The following EBF1 variants were observed in gnomAD, a reference collection of about 807,000 sequenced individuals.
EBF1 encodes the protein transcription factor COE1.
Under a neutral mutation model 68.4 loss-of-function variants are expected in EBF1, and 10 were observed. That is an observed-to-expected ratio of 0.15 (90% CI 0.09 to 0.25). The LOEUF is 0.25. EBF1 is among the 10% of genes least tolerant of loss of function. The pLI is 1.00. For synonymous variants in EBF1, 298 were observed against 299.8 expected (o/e 0.99, Z 0.06); for missense variants, 509 against 794.4 (o/e 0.64, Z 4.32).
chr5:158,869,631 G>A (rs1796540638), intron 6 of EBF1, among the ~76,000 whole-genome samples: 1 of 146,574 alleles, frequency 6.8e-6, no homozygotes, highest in Non-Finnish European at 1.5e-5. Flanking sequence ...TTTGTTGTTT[G>A]TTTTGTTTTG....
rs189980864 is a variant in EBF1 at position 158,732,038 on chromosome 5, C to T, written c.1037-881G>A. Among the ~76,000 whole-genome samples, 143 of 152,256 alleles carry T rather than the reference C, an allele frequency of 9.4e-4. 1 individual carries two copies. The highest frequency in any genetic ancestry group is 3.3e-3 in the African/African-American group (135 of 41,538). On this transcript the variant is annotated intron_variant, in intron 10 of 15. Coordinates refer to ENST00000313708, the MANE Select transcript of EBF1 (RefSeq NM_024007.5). ...CTTCAGGCTGTCTCACGTGAAACAG[C>T]GGAGATGGAAAACACGGCAGCTCCA... is the stretch of plus-strand genomic sequence containing the variant.
intron 11 of EBF1, among the ~76,000 whole-genome samples, chr5:158,717,452 T>C (rs999140031): frequency 6.6e-6 from 1 of 152,194 alleles, no homozygotes; most frequent in African/African-American, 2.4e-5. Flanking sequence ...TAATATGCAA[T>C]TTTAATATTT....
chr5:159,099,571 A>C lies in EBF1; in HGVS notation c.-93T>G. The C allele has an allele frequency of 7.4e-7, 1 of 1,353,954 alleles. No homozygotes were observed. The highest frequency in any genetic ancestry group is 9.6e-7 in the Non-Finnish European group (1 of 1,040,154). The allele number at this position is 1,353,954 out of a possible 1,614,324, so 83.9% of individuals were successfully genotyped here. A position where few individuals can be genotyped will look rare whatever the true frequency, so the allele number is the denominator to read the frequency against. On this transcript the variant is annotated 5_prime_UTR_variant, in exon 1 of 16. Transcript: ENST00000313708. ...AGAAAAGAAAGAAAAGAAAAGAAACAAAAACGCCAACCAGAGATTTTTTTT... is the reference window on the plus strand; with the variant it reads ...AGAAAAGAAAGAAAAGAAAAGAAACCAAAACGCCAACCAGAGATTTTTTTT...
At chr5:158,843,684 C>T (rs1464873080) in intron 6 of EBF1, among the ~76,000 whole-genome samples, 2 of 152,162 alleles carry the variant, frequency 1.3e-5, no homozygotes, top group Non-Finnish European at 2.9e-5. Flanking sequence ...GAAAGCCAGC[C>T]CTACCCCAGA....
At chr5:159,063,637 G>A (rs1002342430) in intron 6 of EBF1, among the ~76,000 whole-genome samples, 3 of 152,128 alleles carry the variant, frequency 2.0e-5, no homozygotes, top group African/African-American at 7.2e-5. Context: ...ACATATAATA[G>A]AGGCTTAATA....
intron 10 of EBF1, among the ~76,000 whole-genome samples, chr5:158,768,267 A>T (rs543042221): frequency 1.3e-5 from 2 of 152,172 alleles, no homozygotes; most frequent in Non-Finnish European, 2.9e-5. Flanking sequence ...GAAGATAATG[A>T]TATATCTCAG....
At chr5:159,092,820 T>C (rs547609191) in intron 4 of EBF1, among the ~76,000 whole-genome samples, 20 of 152,296 alleles carry the variant, frequency 1.3e-4, no homozygotes, top group African/African-American at 4.6e-4. Context: ...TATCAGAACT[T>C]ATCAGACCAG....
intron 6 of EBF1, among the ~76,000 whole-genome samples, chr5:158,978,079 G>A (rs1283757084): frequency 6.6e-6 from 1 of 152,224 alleles, no homozygotes; most frequent in Admixed American, 6.5e-5. Flanking sequence ...CCTAACCTTA[G>A]CTACTGAGTG....
At chr5:158,890,343 G>A (rs955108117) in intron 6 of EBF1, among the ~76,000 whole-genome samples, 5 of 152,212 alleles carry the variant, frequency 3.3e-5, no homozygotes, top group African/African-American at 1.2e-4. Flanking sequence ...ATCCGCATTT[G>A]CTTATTCATT....
chr5:158,778,613 C>G (rs1775784533), intron 9 of EBF1, among the ~76,000 whole-genome samples: 1 of 152,148 alleles, frequency 6.6e-6, no homozygotes, highest in Non-Finnish European at 1.5e-5. Context: ...CCCAGAGAAT[C>G]ACAGATAACA....
chr5:159,079,509 T>A (rs993847171), intron 5 of EBF1, among the ~76,000 whole-genome samples: 7 of 152,034 alleles, frequency 4.6e-5, no homozygotes, highest in African/African-American at 1.7e-4. Flanking sequence ...AGTTTACCAG[T>A]GACTGTCTGG....
chr5:158,696,722 C>T lies in EBF1; in HGVS notation c.*2389G>A, dbSNP rs1192291276. 5.3e-6 allele frequency: 1 copy of T among 188,436 alleles called. No homozygotes were observed. Among genetic ancestry groups the T allele is most frequent in the African/African-American group, 2.4e-5 (1 of 41,606 alleles). 11.7% of individuals were successfully genotyped at this position (188,436 alleles called of 1,614,324 possible). ...CTACCCTCCCACAACTCCCCTCCCC[C>T]ACCCACCCCAACCCATAAAAATCGC... On this transcript the variant is annotated 3_prime_UTR_variant, in exon 16 of 16. Transcript: ENST00000313708.
At chr5:158,786,807 G>A (rs1292352782) in intron 9 of EBF1, among the ~76,000 whole-genome samples, 1 of 152,154 alleles carries the variant, frequency 6.6e-6, no homozygotes, top group Non-Finnish European at 1.5e-5. Flanking sequence ...TCACATGGCA[G>A]AATCTTTGCC....
intron 6 of EBF1, among the ~76,000 whole-genome samples, chr5:158,982,538 C>T (rs1347678618): frequency 2.6e-5 from 4 of 152,186 alleles, no homozygotes; most frequent in Admixed American, 2.0e-4. Context: ...TAGCACAGTG[C>T]TTGGCACCTT....
chr5:158,761,578 G>A (rs1375688266), intron 10 of EBF1, among the ~76,000 whole-genome samples: 1 of 152,152 alleles, frequency 6.6e-6, no homozygotes, highest in African/African-American at 2.4e-5. Context: ...ATCCATCTGA[G>A]AATGAGGCAG....
rs955220939 is a variant in EBF1, at chr5:158,987,954, G to A, written c.554+85442C>T. ...CTAGCATTGGGAATGGCATCCCCCC[G>A]GGGCTCACTGGAGCAGCACTGTGGA... is the stretch of plus-strand genomic sequence containing the variant. On this transcript the variant is annotated intron_variant, in intron 6 of 15. Coordinates refer to ENST00000313708, the MANE Select transcript of EBF1 (RefSeq NM_024007.5). Among the ~76,000 whole-genome samples, 6 of 152,132 alleles carry A rather than the reference G, an allele frequency of 3.9e-5. No individual in the cohort carries two copies. The South Asian group carries it at 6.2e-4, about 16-fold the overall frequency.
chr5:158,767,527 A>G (rs1162671593), intron 10 of EBF1, among the ~76,000 whole-genome samples: 1 of 152,026 alleles, frequency 6.6e-6, no homozygotes, highest in African/African-American at 2.4e-5. Flanking sequence ...CCACTTACTA[A>G]ATAACCCAGG....
At chr5:158,831,152 G>C (rs949680276) in intron 7 of EBF1, among the ~76,000 whole-genome samples, 4 of 152,156 alleles carry the variant, frequency 2.6e-5, no homozygotes, top group Non-Finnish European at 5.9e-5. Flanking sequence ...GGTGCTCTCT[G>C]TGTGTGTGTC....
chr5:158,844,294 G>A (rs1384868205), intron 6 of EBF1, among the ~76,000 whole-genome samples: 4 of 149,856 alleles, frequency 2.7e-5, no homozygotes, highest in South Asian at 2.1e-4. Context: ...CATGTAATGC[G>A]TTAATTATTC....
Sources: allele counts gnomAD v4.1 joint callset (sites outside exome capture counted in the v4.1 genomes callset), GRCh38; gene constraint gnomAD v4.1.1; transcripts MANE v1.5; gene names NCBI Gene and HGNC (gene_info 2026-07-23, HGNC 2026-07-21).